PCDHGA3: variants seen among roughly 807,000 people sequenced by gnomAD.
PCDHGA3 encodes protocadherin gamma subfamily A, 3.
PCDHGA3 carries 40 observed loss-of-function variants against 58.5 expected under a neutral mutation model. The ratio of observed to expected loss-of-function variants is 0.68; its 90% CI spans 0.53 to 0.89. PCDHGA3 has a LOEUF of 0.89. PCDHGA3 is among the 40% of genes least tolerant of loss of function. The probability of loss-of-function intolerance (pLI) is 0.00; values close to 1 mark genes in which losing one functional copy is unlikely to be tolerated. For synonymous variants in PCDHGA3, 530 were observed against 525.7 expected, an observed-to-expected ratio of 1.01 and a Z score of -0.11; for missense variants, 1,223 against 1,195.9, an observed-to-expected ratio of 1.02 and a Z score of -0.33.
intron 1 of PCDHGA3, chr5:141,350,355 G>T: frequency 6.4e-7 from 1 of 1,565,964 alleles, no homozygotes; most frequent in Non-Finnish European, 8.7e-7. Flanking sequence ...CAGCAGATCC[G>T]ATACACGATT....
At chr5:141,358,638 T>C (rs1760977216) in intron 1 of PCDHGA3, among the ~76,000 whole-genome samples, 1 of 152,176 alleles carries the variant, frequency 6.6e-6, no homozygotes, top group Non-Finnish European at 1.5e-5. Context: ...CAGTCATATA[T>C]AAGTAGATTC....
At chr5:141,460,991 A>G (rs889917939) in intron 1 of PCDHGA3, among the ~76,000 whole-genome samples, 39 of 141,522 alleles carry the variant, frequency 2.8e-4, no homozygotes, top group East Asian at 1.0e-3. Flanking sequence ...GTGTATATAT[A>G]TATATGTGTA....
At chr5:141,449,156 G>T (rs4432943) in intron 1 of PCDHGA3, among the ~76,000 whole-genome samples, 84,481 of 151,978 alleles carry the variant, frequency 0.56, 26,202 homozygotes, top group African/African-American at 0.85. Context: ...GGTCAAAGAG[G>T]AAATAGGTGT....
chr5:141,357,310 T>C (rs1286451893), intron 1 of PCDHGA3: 2 of 1,613,980 alleles, frequency 1.2e-6, no homozygotes, highest in Non-Finnish European at 1.7e-6. Flanking sequence ...CTCCTGCGTC[T>C]TCCTGGCTTT....
At chr5:141,357,233 T>A (rs1760516287) in intron 1 of PCDHGA3, 1 of 1,613,828 alleles carries the variant, frequency 6.2e-7, no homozygotes, top group African/African-American at 1.3e-5. Flanking sequence ...TTGGGCAGCC[T>A]CAAGCCTTCA....
chr5:141,373,848 C>A, intron 1 of PCDHGA3: 3 of 446,942 alleles, frequency 6.7e-6, no homozygotes, highest in Non-Finnish European at 7.9e-6. Flanking sequence ...GGACTCTAAG[C>A]GTCGCTGTTG....
chr5:141,371,887 C>A (rs372336757), intron 1 of PCDHGA3: 2 of 1,613,424 alleles, frequency 1.2e-6, no homozygotes, highest in Non-Finnish European at 1.7e-6. Flanking sequence ...GACCTGGAGC[C>A]GCGGGAGCTG....
Position 141,345,955 on chromosome 5 carries a change from G to A in PCDHGA3, c.1922G>A (p.Ser641Asn). 6.2e-7 allele frequency: 1 copy of A among 1,613,622 alleles called. No homozygotes were observed. Among genetic ancestry groups the A allele is most frequent in the East Asian group, 2.2e-5 (1 of 44,850 alleles). The change falls in exon 1 of 4, where the codon AGC (serine) becomes AAC (asparagine). Residue 641 changes from serine (S) to asparagine (N), a missense_variant. Around this residue, in one of 3 missense-constraint regions of PCDHGA3, gnomAD observed 107 missense variants for 159.8 expected, o/e 0.67. Transcript: ENST00000253812. ...CTGGACAGAGACGCGCTCAAGCAGA[G>A]CCTCGTGGTGGCCGTCCAGGACCAC... ...ALLDRDALKQ[S>N]LVVAVQDHGQ... is the part of the protein sequence containing the mutation.
intron 1 of PCDHGA3, chr5:141,376,960 T>C (rs1773581564): frequency 6.1e-6 from 1 of 162,766 alleles, no homozygotes; most frequent in Admixed American, 5.9e-5. Context: ...GTGCTGGGAT[T>C]ACAGGCGTGA....
At position 141,374,284 on chromosome 5, in the gene PCDHGA3, C is replaced by A. The variant is rs756823871; in HGVS notation, c.2424+27827C>A. ...TGGCGGAGCACGGAGTCCGCATCGT[C>A]TCCAGAGGTAGGATGCAGCTTTTCT... is the stretch of plus-strand genomic sequence containing the variant. On this transcript the variant is annotated intron_variant, in intron 1 of 3. Transcript: ENST00000253812. The A allele has an allele frequency of 3.7e-6, 6 of 1,613,880 alleles. No individual in the cohort carries two copies. In the Admixed American group the frequency reaches 8.3e-5, roughly 22 times the overall value.
At chr5:141,488,208 C>T (rs2099672939) in intron 1 of PCDHGA3, among the ~76,000 whole-genome samples, 1 of 152,152 alleles carries the variant, frequency 6.6e-6, no homozygotes, top group African/African-American at 2.4e-5. Flanking sequence ...GGACTCATAT[C>T]AAGTCCCTAC....
At position 141,344,346 on chromosome 5, in the gene PCDHGA3, A is replaced by G. The variant is rs1238519513; in HGVS notation, c.313A>G (p.Lys105Glu). The change falls in exon 1 of 4, where the codon AAA (lysine) becomes GAA (glutamate). Residue 105 changes from lysine (K) to glutamate (E), a missense_variant. Coordinates refer to ENST00000253812, the MANE Select transcript of PCDHGA3 (RefSeq NM_018916.4). ...CGCTCAGATCCCGCTGTGTCTGGTAAAAATTAACATTCTGGTTGAGGATAA... is the reference window on the plus strand; with the variant it reads ...CGCTCAGATCCCGCTGTGTCTGGTAGAAATTAACATTCTGGTTGAGGATAA... ...LCAQIPLCLV[K>E]INILVEDKLK... 1 of 1,613,952 alleles carries G rather than the reference A, an allele frequency of 6.2e-7. No individual in the cohort carries two copies. Among genetic ancestry groups the G allele is most frequent in the Admixed American group, 1.7e-5 (1 of 60,024 alleles).
intron 1 of PCDHGA3, among the ~76,000 whole-genome samples, chr5:141,465,502 G>T (rs948827391): frequency 6.6e-6 from 1 of 152,152 alleles, no homozygotes; most frequent in Non-Finnish European, 1.5e-5. Flanking sequence ...GAGCATTGTC[G>T]TGGTCAGGAA....
At position 141,423,488 on chromosome 5, in the gene PCDHGA3, A is replaced by G. The variant is rs141810253; in HGVS notation, c.2425-71319A>G. The G allele has an allele frequency of 9.2e-4, 1,481 of 1,613,946 alleles. 7 individuals carry two copies. The highest frequency in any genetic ancestry group is 3.0e-3 in the Middle Eastern group (18 of 6,062). On this transcript the variant is annotated intron_variant, in intron 1 of 3. Transcript: ENST00000253812. The stretch of plus-strand genomic sequence containing the variant: ...GGGGTACAGGCTTTCCTGCAAACCT[A>G]TTCCCACGAGGTCTCTCTCATTGCG...
At chr5:141,348,090 T>C (rs1758061907) in intron 1 of PCDHGA3, among the ~76,000 whole-genome samples, 1 of 152,244 alleles carries the variant, frequency 6.6e-6, no homozygotes, top group African/African-American at 2.4e-5. Context: ...AGCCAGAAAT[T>C]GTTGGCTTAT....
Position 141,344,040 on chromosome 5 carries a change from A to G in PCDHGA3, c.7A>G (p.Asn3Asp). The change falls in exon 1 of 4, where the codon AAT (asparagine) becomes GAT (aspartate). Residue 3 changes from asparagine (N) to aspartate (D), a missense_variant. Asn to Asp is a conservative substitution (Grantham distance 23). Coordinates refer to ENST00000253812, the MANE Select transcript of PCDHGA3 (RefSeq NM_018916.4). ...GCGATTCACCGAAAAGGAAATGACCAATTGCCTGAGTTTCCGAAATGGCAG... is the reference window on the plus strand; with the variant it reads ...GCGATTCACCGAAAAGGAAATGACCGATTGCCTGAGTTTCCGAAATGGCAG... MTNCLSFRNGRGL... is the reference protein window; with the variant it reads MTDCLSFRNGRGL... 1 of 1,552,924 alleles carries G rather than the reference A, an allele frequency of 6.4e-7. No homozygotes were observed. The highest frequency in any genetic ancestry group is 8.7e-7 in the Non-Finnish European group (1 of 1,150,680).
chr5:141,395,114 C>T (rs2093175908), intron 1 of PCDHGA3: 2 of 1,614,070 alleles, frequency 1.2e-6, no homozygotes, highest in African/African-American at 1.3e-5. Context: ...GGAAGAGTCA[C>T]CTGATCTTTC....
chr5:141,422,670 C>CA (rs754910458), intron 1 of PCDHGA3: 6 of 1,607,126 alleles, frequency 3.7e-6, no homozygotes, highest in Non-Finnish European at 1.7e-6. Flanking sequence ...TCGACCCGGA[C>CA]AGCAAACAGA....
chr5:141,375,920 G>A, intron 1 of PCDHGA3: 1 of 1,613,748 alleles, frequency 6.2e-7, no homozygotes, highest in Admixed American at 1.7e-5. Flanking sequence ...CAAGGCCAGC[G>A]AGCCAGGACT....
Sources: gnomAD v4.1 joint callset for allele counts (sites outside exome capture counted in the v4.1 genomes callset) on GRCh38, gnomAD v4.1.1 for gene constraint, gnomAD v4.1.1 regional missense constraint, MANE v1.5 for transcripts, NCBI Gene and HGNC (gene_info 2026-07-23, HGNC 2026-07-21) for gene names.